The following EZR variants were observed in gnomAD, a reference collection of about 807,000 sequenced individuals.
The protein encoded by EZR is cytovillin 2.
EZR carries 40 observed loss-of-function variants against 74.8 expected under a neutral mutation model. The ratio of observed to expected loss-of-function variants is 0.53; its 90% CI spans 0.42 to 0.70. The LOEUF (loss-of-function observed/expected upper bound fraction) is 0.70. EZR is among the 30% of genes least tolerant of loss of function. EZR has a pLI of 0.00. For synonymous variants in EZR, 341 were observed against 283.3 expected, an observed-to-expected ratio of 1.20 and a Z score of -2.05; for missense variants, 678 against 755.8, an observed-to-expected ratio of 0.90 and a Z score of 1.21.
At chr6:158,789,561 G>C (rs1791678662) in intron 2 of EZR, 190 bp from the exon 3 acceptor site, 2 of 739,434 alleles carry the variant, frequency 2.7e-6, no homozygotes, top group African/African-American at 3.4e-5. Flanking sequence ...GAGGCACACA[G>C]TGCAAACCAA....
chr6:158,796,484 G>A (rs758697930), intron 2 of EZR, among the ~76,000 whole-genome samples: 12 of 152,228 alleles, frequency 7.9e-5, no homozygotes, highest in Non-Finnish European at 1.5e-4. Flanking sequence ...TGCTGATATT[G>A]AGTGGCTGGA....
chr6:158,770,046 G>A (rs765940563), intron 10 of EZR, 102 bp from the exon 11 acceptor site: 35 of 1,476,358 alleles, frequency 2.4e-5, no homozygotes, highest in Non-Finnish European at 2.9e-5. Flanking sequence ...CCTAGACCAA[G>A]TCACAGGTTG....
At position 158,787,381 on chromosome 6, in the gene EZR, C is replaced by T. The variant is rs2306747; in HGVS notation, c.97-178G>A. On this transcript the variant is annotated intron_variant, in intron 3 of 13. Transcript: ENST00000367075. ...TCAAATAACTTGTTACTAACTGAGG[C>T]TATTATCTCAAAGCCATGAACGACT... Among the ~76,000 whole-genome samples the T allele has an allele frequency of 2.4e-3, 366 of 152,316 alleles. 14 individuals are homozygous for T. The East Asian group carries it at 0.066, about 28-fold the overall frequency.
chr6:158,802,415 T>C (rs1430544571), intron 2 of EZR, among the ~76,000 whole-genome samples: 1 of 36,236 alleles, frequency 2.8e-5, no homozygotes, highest in East Asian at 2.7e-4. Context: ...TATGATTTTT[T>C]GATGCGTTGT....
chr6:158,770,147 CCCGT>C (rs1242240788), intron 10 of EZR, among the ~76,000 whole-genome samples: 6 of 152,344 alleles, frequency 3.9e-5, no homozygotes, highest in Admixed American at 3.9e-4. Flanking sequence ...TGGCTAGAAA[CCCGT>C]CCAACGCCAG....
intron 2 of EZR, among the ~76,000 whole-genome samples, chr6:158,796,036 G>A (rs929502508): frequency 2.0e-4 from 31 of 152,272 alleles, no homozygotes; most frequent in Non-Finnish European, 4.4e-4. Context: ...CAGTGCCATC[G>A]GACAGTAGAG....
chr6:158,789,781 C>T (rs969492495), intron 2 of EZR, among the ~76,000 whole-genome samples: 1 of 152,158 alleles, frequency 6.6e-6, no homozygotes, highest in African/African-American at 2.4e-5. Flanking sequence ...ATGCCTAGCT[C>T]GTTTTGTTTT....
At chr6:158,769,126 C>G (rs1276863148) in intron 12 of EZR, among the ~76,000 whole-genome samples, 200 bp downstream of exon 12, 1 of 152,194 alleles carries the variant, frequency 6.6e-6, no homozygotes, top group Non-Finnish European at 1.5e-5. Context: ...AAAGTCAAAC[C>G]CATCTCTTTG....
intron 2 of EZR, among the ~76,000 whole-genome samples, chr6:158,790,097 CAT>C (rs1791696221): frequency 6.6e-6 from 1 of 152,096 alleles, no homozygotes; most frequent in Non-Finnish European, 1.5e-5. Flanking sequence ...CCTTAGAAAC[CAT>C]AGTGAGAGAG....
intron 2 of EZR, among the ~76,000 whole-genome samples, chr6:158,815,650 G>A (rs1035150717): frequency 1.3e-5 from 2 of 152,140 alleles, no homozygotes; most frequent in African/African-American, 4.8e-5. Context: ...ATTTTTTGTA[G>A]AAACAGAGTC....
chr6:158,818,688 G>A (rs1214247969), intron 1 of EZR, among the ~76,000 whole-genome samples: 2 of 151,496 alleles, frequency 1.3e-5, no homozygotes, highest in East Asian at 2.0e-4. Flanking sequence ...CGGGCCCAGG[G>A]ATACCCGGCG....
intron 2 of EZR, among the ~76,000 whole-genome samples, chr6:158,817,833 G>GT (rs1283804830): frequency 6.6e-6 from 1 of 152,144 alleles, no homozygotes; most frequent in Non-Finnish European, 1.5e-5. Context: ...AGAAAAGACC[G>GT]TAACTACTGG....
At chr6:158,774,672 AACAC>A (rs56400693) in intron 8 of EZR, among the ~76,000 whole-genome samples, 4,988 of 142,416 alleles carry the variant, frequency 0.035, 102 homozygotes, top group Non-Finnish European at 0.039. Context: ...CTTATCATCA[AACAC>A]ACACACACAC....
chr6:158,803,668 A>AT (rs1274770586), intron 2 of EZR, among the ~76,000 whole-genome samples: 5 of 128,712 alleles, frequency 3.9e-5, no homozygotes, highest in Non-Finnish European at 6.5e-5. Flanking sequence ...TATATATATA[A>AT]AATATACAGA....
At chr6:158,811,653 G>C (rs1777452827) in intron 2 of EZR, among the ~76,000 whole-genome samples, 1 of 152,174 alleles carries the variant, frequency 6.6e-6, no homozygotes, top group Non-Finnish European at 1.5e-5. Flanking sequence ...TTGAGCTCAG[G>C]AATTTGAGAC....
chr6:158,766,626 C>T lies in EZR; in HGVS notation c.*288G>A. 2.7e-6 allele frequency: 1 copy of T among 373,858 alleles called. No individual in the cohort carries two copies. Among genetic ancestry groups the T allele is most frequent in the Non-Finnish European group, 4.8e-6 (1 of 208,102 alleles). The allele number at this position is 373,858 out of a possible 1,614,324, so 23.2% of individuals were successfully genotyped here. The stretch of plus-strand genomic sequence containing the variant: ...GCCAGCATGAAGTTTCTTACTCAGA[C>T]TTTACAGGCATTTTCCGTAATTCAA... On this transcript the variant is annotated 3_prime_UTR_variant, in exon 14 of 14. Transcript: ENST00000367075.
intron 8 of EZR, among the ~76,000 whole-genome samples, chr6:158,772,124 C>T (rs1198367480): frequency 1.3e-5 from 2 of 152,264 alleles, no homozygotes; most frequent in African/African-American, 4.8e-5. Context: ...GCTACAGGTA[C>T]TCGCCGCAGT....
At position 158,766,756 on chromosome 6, in the gene EZR, C is replaced by A; in HGVS notation, c.*158G>T. 1.3e-6 allele frequency: 1 copy of A among 768,048 alleles called. No individual in the cohort carries two copies. The allele number at this position is 768,048 out of a possible 1,614,324, so 47.6% of individuals were successfully genotyped here. ...TGGGGAAAACAAACCAGGGCGCCTC[C>A]CTGGTTCCCAGCCCAGAATGTTTCT... On this transcript the variant is annotated 3_prime_UTR_variant, in exon 14 of 14. Coordinates refer to ENST00000367075, the MANE Select transcript of EZR (RefSeq NM_001111077.2).
In EZR at chr6:158,766,631, C is replaced by CA. The variant is rs1790864802; in HGVS notation, c.*282dup. The CA allele has an allele frequency of 2.6e-6, 1 of 384,308 alleles. No individual in the cohort carries two copies. The allele number at this position is 384,308 out of a possible 1,614,324, so 23.8% of individuals were successfully genotyped here. A position where few individuals can be genotyped will look rare whatever the true frequency, so the allele number is the denominator to read the frequency against. On this transcript the variant is annotated 3_prime_UTR_variant, in exon 14 of 14. Coordinates refer to ENST00000367075, the MANE Select transcript of EZR (RefSeq NM_001111077.2). ...CATGAAGTTTCTTACTCAGACTTTACAGGCATTTTCCGTAATTCAATCAGT... is the reference window on the plus strand; with the variant it reads ...CATGAAGTTTCTTACTCAGACTTTACAAGGCATTTTCCGTAATTCAATCAGT...
Sources: allele counts gnomAD v4.1 joint callset (sites outside exome capture counted in the v4.1 genomes callset), GRCh38; gene constraint gnomAD v4.1.1; transcripts MANE v1.5; gene names NCBI Gene and HGNC (gene_info 2026-07-23, HGNC 2026-07-21).